CFAP69: variants seen among roughly 807,000 people sequenced by gnomAD.
CFAP69 encodes cilia and flagella associated protein 69.
In CFAP69, 92 loss-of-function variants were observed where a neutral mutation model predicts 123.0. The ratio of observed to expected loss-of-function variants is 0.75; its 90% CI spans 0.63 to 0.89. CFAP69 has a LOEUF of 0.89. Among genes scored for constraint, CFAP69 ranks in the 40% least tolerant of loss-of-function variants. CFAP69 has a pLI of 0.00. For missense variants in CFAP69, 1,067 were observed against 1,096.9 expected (o/e 0.97, Z 0.39); for synonymous variants, 380 against 364.3 (o/e 1.04, Z -0.49).
At chr7:90,309,792 G>A (rs1011012212) in intron 22 of CFAP69, among the ~76,000 whole-genome samples, 1 of 152,122 alleles carries the variant, frequency 6.6e-6, no homozygotes, top group African/African-American at 2.4e-5. Context: ...AAGACGCAGT[G>A]CTTCCCCTTT....
chr7:90,267,210 T>G (rs551074545), intron 5 of CFAP69, among the ~76,000 whole-genome samples: 3 of 152,180 alleles, frequency 2.0e-5, no homozygotes, highest in African/African-American at 7.2e-5. Flanking sequence ...TTAAGTGATA[T>G]CTTTTGCAGA....
chr7:90,318,497 T>G, the CFAP69 span: 1 of 152,164 alleles, frequency 6.6e-6, no homozygotes, highest in Admixed American at 6.5e-5. Flanking sequence ...TATACTACAT[T>G]AAATATTACT....
At chr7:90,283,177 T>G (rs1789745222) in intron 13 of CFAP69, 121 bp downstream of exon 13, 1 of 752,244 alleles carries the variant, frequency 1.3e-6, no homozygotes, top group Non-Finnish European at 1.9e-6. Context: ...CTGAATATTT[T>G]CTTGATTTTT....
chr7:90,299,323 G>T (rs77309920), intron 16 of CFAP69, among the ~76,000 whole-genome samples: 1 of 152,046 alleles, frequency 6.6e-6, no homozygotes, highest in African/African-American at 2.4e-5. Flanking sequence ...TTTATAATAG[G>T]AGAATTTTTT....
chr7:90,290,378 G>A (rs1235602332), intron 15 of CFAP69, among the ~76,000 whole-genome samples: 1 of 152,138 alleles, frequency 6.6e-6, no homozygotes, highest in African/African-American at 2.4e-5. Context: ...TTCCATTTGA[G>A]TCTGAAAACC....
chr7:90,313,124 G>C (rs1794466970), downstream of CFAP69, among the ~76,000 whole-genome samples: 1 of 152,156 alleles, frequency 6.6e-6, no homozygotes, highest in South Asian at 2.1e-4. Context: ...TTTGAGGTCA[G>C]ATATCCAGTT....
intron 17 of CFAP69, 104 bp downstream of exon 17, chr7:90,300,163 A>ATT: frequency 4.1e-4 from 359 of 877,972 alleles, no homozygotes; most frequent in East Asian, 1.0e-3. Flanking sequence ...CTTTGTCTAA[A>ATT]GTTTTTTTTT....
At chr7:90,246,857 T>C (rs182046309) in intron 1 of CFAP69, among the ~76,000 whole-genome samples, 3 of 152,104 alleles carry the variant, frequency 2.0e-5, no homozygotes, top group Non-Finnish European at 1.5e-5. Context: ...TTAAAAGCCA[T>C]TGCCAAAATA....
intron 1 of CFAP69, 82 bp from the exon 2 acceptor site, chr7:90,255,341 A>G (rs964295129): frequency 1.9e-6 from 2 of 1,079,080 alleles, no homozygotes; most frequent in Non-Finnish European, 1.4e-6. Flanking sequence ...ACCAAGGGAA[A>G]GTATCATATA....
chr7:90,255,774 A>C (rs894070682), intron 2 of CFAP69, among the ~76,000 whole-genome samples: 6 of 152,182 alleles, frequency 3.9e-5, no homozygotes, highest in African/African-American at 1.4e-4. Context: ...GCCTCTGTTA[A>C]GTGCTTGTTA....
At chr7:90,296,647 C>T (rs1050052533) in intron 15 of CFAP69, among the ~76,000 whole-genome samples, 4 of 152,164 alleles carry the variant, frequency 2.6e-5, no homozygotes, top group East Asian at 1.9e-4. Flanking sequence ...TTTAAGAGGT[C>T]CTGAGAAAAT....
chr7:90,258,683 T>C (rs1207097307), intron 3 of CFAP69, among the ~76,000 whole-genome samples: 1 of 152,216 alleles, frequency 6.6e-6, no homozygotes, highest in Non-Finnish European at 1.5e-5. Flanking sequence ...CATAGATATC[T>C]TGGGGAAGGC....
At chr7:90,258,546 A>G (rs563744668) in intron 3 of CFAP69, among the ~76,000 whole-genome samples, 1 of 151,782 alleles carries the variant, frequency 6.6e-6, no homozygotes, top group African/African-American at 2.4e-5. Context: ...TTTCCTTTAT[A>G]AGGATCCCTG....
At chr7:90,315,228 A>G (rs1430083502), downstream of CFAP69, among the ~76,000 whole-genome samples, 5 of 152,182 alleles carry the variant, frequency 3.3e-5, no homozygotes, top group Non-Finnish European at 5.9e-5. Flanking sequence ...CAGAACTACT[A>G]TTCGACCCAG....
intron 1 of CFAP69, among the ~76,000 whole-genome samples, chr7:90,247,392 G>A (rs1796454356): frequency 6.6e-6 from 1 of 152,188 alleles, no homozygotes; most frequent in Admixed American, 6.5e-5. Flanking sequence ...GTGTGCTTCT[G>A]AGACAGTATA....
intron 13 of CFAP69, 28 bp from the exon 14 acceptor site, chr7:90,286,253 A>G (rs1259547070): frequency 4.5e-6 from 7 of 1,560,388 alleles, no homozygotes; most frequent in South Asian, 1.2e-5. Context: ...TCCAATAACT[A>G]TACAGTCTTT....
chr7:90,320,845 T>C, the CFAP69 span: 3 of 148,698 alleles, frequency 2.0e-5, no homozygotes, highest in African/African-American at 7.4e-5. Context: ...TGATACATGA[T>C]GTATCAGAGG....
intron 15 of CFAP69, among the ~76,000 whole-genome samples, chr7:90,292,843 G>T (rs1791404543): frequency 6.6e-6 from 1 of 152,144 alleles, no homozygotes; most frequent in Admixed American, 6.6e-5. Flanking sequence ...GTTCTGAAAG[G>T]TTTTTTCCTC....
At chr7:90,313,719 A>G (rs28946568), downstream of CFAP69, among the ~76,000 whole-genome samples, 3,174 of 152,290 alleles carry the variant, frequency 0.021, 101 homozygotes, top group East Asian at 0.11. Context: ...GGAAAAAAGG[A>G]AGGAAGGGAG....
Sources: gnomAD v4.1 joint callset for allele counts (sites outside exome capture counted in the v4.1 genomes callset) on GRCh38, gnomAD v4.1.1 for gene constraint, MANE v1.5 for transcripts, NCBI Gene and HGNC (gene_info 2026-07-23, HGNC 2026-07-21) for gene names.